PCDHGB4: variants seen among roughly 807,000 people sequenced by gnomAD.
PCDHGB4 encodes protocadherin gamma-B4.
PCDHGB4 carries 38 observed loss-of-function variants against 60.5 expected under a neutral mutation model. The observed-to-expected ratio is 0.63, with a 90% confidence interval of 0.48 to 0.82. The LOEUF is 0.82. Ranked by LOEUF, PCDHGB4 falls within the 40% of genes least tolerant of loss-of-function variation. PCDHGB4 has a pLI of 0.00. For missense variants in PCDHGB4, 1,109 were observed against 1,209.6 expected (o/e 0.92, Z 1.23); for synonymous variants, 456 against 509.7 (o/e 0.89, Z 1.42).
At chr5:141,450,796 G>GTATT (rs1490825772) in intron 1 of PCDHGB4, among the ~76,000 whole-genome samples, 8 of 145,976 alleles carry the variant, frequency 5.5e-5, no homozygotes, top group African/African-American at 1.8e-4. Flanking sequence ...CCTCATGATT[G>GTATT]TATTTATTTA....
At position 141,489,302 on chromosome 5, in the gene PCDHGB4, T is replaced by C. The variant is rs1258736404; in HGVS notation, c.2398-5505T>C. 2 of 1,586,886 alleles carry C rather than the reference T, an allele frequency of 1.3e-6. No homozygotes were observed. The highest frequency in any genetic ancestry group is 2.3e-5 in the South Asian group (2 of 85,378). ...TGGCAAGTGCTGTGCATGTTGTCCT[T>C]GTGCTGCTGGGGCTGGGTGTCTGGG... On this transcript the variant is annotated intron_variant, in intron 1 of 3. Transcript: ENST00000519479. The surrounding 1 kb of genome is among the most constrained non-coding windows in gnomAD (Gnocchi z 4.5).
Position 141,393,873 on chromosome 5 carries a change from A to G in PCDHGB4, c.2397+3592A>G, listed in dbSNP as rs759255236. The G allele has an allele frequency of 1.9e-6, 3 of 1,613,916 alleles. No individual in the cohort carries two copies. In the Admixed American group the frequency reaches 5.0e-5, roughly 27 times the overall value. On this transcript the variant is annotated intron_variant, in intron 1 of 3. Coordinates refer to ENST00000519479, the MANE Select transcript of PCDHGB4 (RefSeq NM_003736.4). ...AGAAGTGATCATTACGTCTTTGTTT[A>G]GCCCAGTGTTAGAAAATTCTCTTCC...
Position 141,432,057 on chromosome 5 carries a change from C to G in PCDHGB4, c.2397+41776C>G. On this transcript the variant is annotated intron_variant, in intron 1 of 3. Coordinates refer to ENST00000519479, the MANE Select transcript of PCDHGB4 (RefSeq NM_003736.4). This position sits in a 1 kb window ranked among gnomAD's most constrained non-coding sequence, Gnocchi z 6.0. The stretch of plus-strand genomic sequence containing the variant: ...ACTGACCGGGGAACCCCGCCCCTAT[C>G]CACGGAAACTCATATCTCGCTGAAC... 1 of 1,614,220 alleles carries G rather than the reference C, an allele frequency of 6.2e-7. No homozygotes were observed. The highest frequency in any genetic ancestry group is 8.5e-7 in the Non-Finnish European group (1 of 1,180,042).
chr5:141,427,982 G>T, intron 1 of PCDHGB4: 1 of 1,596,752 alleles, frequency 6.3e-7, no homozygotes, highest in African/African-American at 1.3e-5. Flanking sequence ...CCGCGCTGGG[G>T]CCCGATGGCT....
Position 141,390,275 on chromosome 5 carries a change from C to G in PCDHGB4, c.2391C>G (p.Ser797=). 1 of 1,613,976 alleles carries G rather than the reference C, an allele frequency of 6.2e-7. No homozygotes were observed. Among genetic ancestry groups the G allele is most frequent in the Non-Finnish European group, 8.5e-7 (1 of 1,179,874 alleles). ...FPLCNSSELT[S]HQQAPPNTDW... ...TTTGTAATTCCAGTGAATTGACTTC[C>G]CATCAGGTGAGTTTCCTTTAAGTAT... Residue 797 remains serine (S), a synonymous_variant, in exon 1 of 4, where the codon TCC becomes TCG. Coordinates refer to ENST00000519479, the MANE Select transcript of PCDHGB4 (RefSeq NM_003736.4).
chr5:141,412,976 A>C (rs2095594590), intron 1 of PCDHGB4: 1 of 535,900 alleles, frequency 1.9e-6, no homozygotes. Context: ...GAGAAAACGC[A>C]GCCAGAGCTC....
intron 1 of PCDHGB4, chr5:141,419,942 G>A: frequency 6.2e-7 from 1 of 1,614,070 alleles, no homozygotes. Context: ...CCTGGTGGTG[G>A]CCTTGGCCTT....
intron 1 of PCDHGB4, among the ~76,000 whole-genome samples, chr5:141,449,677 A>G (rs543079734): frequency 6.3e-4 from 96 of 151,362 alleles, no homozygotes; most frequent in Non-Finnish European, 1.1e-3. Flanking sequence ...GTGTATGTAT[A>G]TATGTTTGTG....
In PCDHGB4 at chr5:141,489,664, A is replaced by C. The variant is rs745597010; in HGVS notation, c.2398-5143A>C. 1.9e-6 allele frequency: 3 copies of C among 1,614,224 alleles called. No individual in the cohort carries two copies. Among genetic ancestry groups the C allele is most frequent in the African/African-American group, 1.3e-5 (1 of 75,058 alleles). On this transcript the variant is annotated intron_variant, in intron 1 of 3. Transcript: ENST00000519479. This position sits in a 1 kb window ranked among gnomAD's most constrained non-coding sequence, Gnocchi z 4.5. ...TGCCACCCCTGAGCGAGAGATGCGC[A>C]TCTCAGAATCAGCAGCATCTGGGGC... is the stretch of plus-strand genomic sequence containing the variant.
At chr5:141,394,710 C>T in intron 1 of PCDHGB4, 1 of 1,613,354 alleles carries the variant, frequency 6.2e-7, no homozygotes. Context: ...GCGAGCCCTG[C>T]TGGACAGAGA....
intron 1 of PCDHGB4, chr5:141,409,628 G>A (rs367728235): frequency 1.2e-6 from 2 of 1,613,730 alleles, no homozygotes; most frequent in Non-Finnish European, 1.7e-6. Context: ...GCAAGTGAGC[G>A]CCTCTGACCC....
intron 1 of PCDHGB4, chr5:141,394,163 T>C (rs1207627975): frequency 3.7e-6 from 6 of 1,613,782 alleles, no homozygotes; most frequent in Non-Finnish European, 5.1e-6. Flanking sequence ...ACAACCCTCC[T>C]ACTTTCCCTC....
Position 141,477,128 on chromosome 5 carries a change from G to C in PCDHGB4, c.2398-17679G>C. On this transcript the variant is annotated intron_variant, in intron 1 of 3. Transcript: ENST00000519479. The surrounding 1 kb of genome is among the most constrained non-coding windows in gnomAD (Gnocchi z 4.9). ...CAATCCCGAAGGAGCACATTGCAAA[G>C]TGTTGGTGGAGGTTGTGGATGTGAA... 1.9e-6 allele frequency: 3 copies of C among 1,614,250 alleles called. No homozygotes were observed. The highest frequency in any genetic ancestry group is 2.5e-6 in the Non-Finnish European group (3 of 1,180,046).
intron 1 of PCDHGB4, among the ~76,000 whole-genome samples, chr5:141,464,901 G>A (rs1562002452): frequency 6.6e-6 from 1 of 151,916 alleles, no homozygotes; most frequent in Non-Finnish European, 1.5e-5. Context: ...ACCATGTCCA[G>A]CTAATTTTTT....
In PCDHGB4 at chr5:141,460,999, G is replaced by GTA. The variant is rs1350972422; in HGVS notation, c.2398-33797_2398-33796dup. Reference sequence around the variant, plus strand: ...TGTGTGTGTGTATATATATATATGTGTATATATATATACCACATTTTCTTT... The same window carrying GTA: ...TGTGTGTGTGTATATATATATATGTGTATATATATATATACCACATTTTCTTT... On this transcript the variant is annotated intron_variant, in intron 1 of 3. Coordinates refer to ENST00000519479, the MANE Select transcript of PCDHGB4 (RefSeq NM_003736.4). Among the ~76,000 whole-genome samples, 54 of 149,566 alleles carry GTA rather than the reference G, an allele frequency of 3.6e-4. No homozygotes were observed. The South Asian group carries it at 4.2e-3, about 12-fold the overall frequency.
chr5:141,423,564 G>A (rs2096754933), intron 1 of PCDHGB4: 2 of 1,613,444 alleles, frequency 1.2e-6, no homozygotes, highest in Non-Finnish European at 1.7e-6. Context: ...ATGGGGACAC[G>A]CTCATCAGCC....
chr5:141,409,828 C>T (rs2154542180), intron 1 of PCDHGB4: 1 of 1,611,128 alleles, frequency 6.2e-7, no homozygotes, highest in Non-Finnish European at 8.5e-7. Flanking sequence ...CGCCCACGCT[C>T]AGCGCCAACG....
In PCDHGB4 at chr5:141,418,449, A is replaced by G. The variant is rs781224972; in HGVS notation, c.2397+28168A>G. ...GGCAAATATCCAGAATTAGTATTGC[A>G]GAAGACTCTGGACCGAGAAACGCAG... On this transcript the variant is annotated intron_variant, in intron 1 of 3. Coordinates refer to ENST00000519479, the MANE Select transcript of PCDHGB4 (RefSeq NM_003736.4). 8.1e-6 allele frequency: 13 copies of G among 1,613,922 alleles called. No homozygotes were observed. The Admixed American group carries it at 1.2e-4, about 14-fold the overall frequency.
At chr5:141,478,576 G>A (rs543160289) in intron 1 of PCDHGB4, 1 of 1,585,480 alleles carries the variant, frequency 6.3e-7, no homozygotes, top group Non-Finnish European at 8.6e-7. Flanking sequence ...GCTTGACCCT[G>A]TTAGTGCTTT....
Sources: gnomAD v4.1 joint callset for allele counts (sites outside exome capture counted in the v4.1 genomes callset) on GRCh38, gnomAD v4.1.1 for gene constraint, Gnocchi (gnomAD v3.1) non-coding constraint, MANE v1.5 for transcripts, NCBI Gene and HGNC (gene_info 2026-07-23, HGNC 2026-07-21) for gene names.